The following PRKG1 variants were observed in gnomAD, a reference collection of about 807,000 sequenced individuals.
The protein encoded by PRKG1 is cGMP-dependent protein kinase 1.
In PRKG1, 35 loss-of-function variants were observed where a neutral mutation model predicts 88.1. That is an observed-to-expected ratio of 0.40 (90% CI 0.30 to 0.53). The LOEUF (loss-of-function observed/expected upper bound fraction) is 0.53. Among genes scored for constraint, PRKG1 ranks in the 20% least tolerant of loss-of-function variants. The pLI, the probability that PRKG1 is intolerant of heterozygous loss-of-function variation, is 0.59. For missense variants in PRKG1, 540 were observed against 839.8 expected (o/e 0.64, Z 4.41); for synonymous variants, 303 against 292.5 (o/e 1.04, Z -0.37).
intron 9 of PRKG1, among the ~76,000 whole-genome samples, chr10:52,247,365 A>C (rs1202318674): frequency 6.6e-6 from 1 of 152,210 alleles, no homozygotes; most frequent in Non-Finnish European, 1.5e-5. Flanking sequence ...TTAAAATTGC[A>C]TGAAACTGGG....
chr10:51,111,435 A>G (rs1297933687), intron 1 of PRKG1, among the ~76,000 whole-genome samples: 1 of 151,966 alleles, frequency 6.6e-6, no homozygotes, highest in East Asian at 1.9e-4. Flanking sequence ...TACCCTGTTG[A>G]TTTTTGGAGG....
chr10:52,130,924 GA>G (rs1837236989), intron 7 of PRKG1, among the ~76,000 whole-genome samples: 1 of 152,094 alleles, frequency 6.6e-6, no homozygotes, highest in Non-Finnish European at 1.5e-5. Flanking sequence ...AAAAGAATTA[GA>G]AATAATAAAC....
intron 3 of PRKG1, among the ~76,000 whole-genome samples, chr10:51,721,163 A>G (rs1050607682): frequency 6.7e-6 from 1 of 150,000 alleles, no homozygotes; most frequent in East Asian, 2.0e-4. Flanking sequence ...CAGTGAGCCC[A>G]TGATTATGCC....
At chr10:52,036,577 C>T (rs1260792418) in intron 5 of PRKG1, among the ~76,000 whole-genome samples, 1 of 151,190 alleles carries the variant, frequency 6.6e-6, no homozygotes, top group Non-Finnish European at 1.5e-5. Context: ...GATTGGTCGC[C>T]AAGGAGGGAG....
At chr10:51,436,090 T>A (rs559684377) in intron 2 of PRKG1, among the ~76,000 whole-genome samples, 1 of 152,086 alleles carries the variant, frequency 6.6e-6, no homozygotes, top group South Asian at 2.1e-4. Flanking sequence ...TACTGTAACC[T>A]TTCTAGTCAT....
intron 4 of PRKG1, among the ~76,000 whole-genome samples, chr10:51,874,411 A>G (rs10999874): frequency 0.036 from 5,522 of 152,324 alleles, 376 homozygotes; most frequent in African/African-American, 0.13. Flanking sequence ...AGTAGTACAG[A>G]TAACATCAAA....
Position 51,438,499 on chromosome 10 carries a change from T to C in PRKG1, c.479-29224T>C, listed in dbSNP as rs149820097. 1.8e-3 allele frequency among the ~76,000 whole-genome samples: 270 copies of C among 152,048 alleles called. 2 individuals are homozygous for C. Among genetic ancestry groups the C allele is most frequent in the African/African-American group, 5.9e-3 (246 of 41,530 alleles). Reference sequence around the variant, plus strand: ...TGATGACCTTGACAGTATTGAGAAGTACTGGTTAGATATTTTACAGAAGGT... The same window carrying C: ...TGATGACCTTGACAGTATTGAGAAGCACTGGTTAGATATTTTACAGAAGGT... On this transcript the variant is annotated intron_variant, in intron 2 of 17. Transcript: ENST00000373980.
chr10:51,278,227 G>A (rs541528429), intron 2 of PRKG1, among the ~76,000 whole-genome samples: 7 of 152,120 alleles, frequency 4.6e-5, no homozygotes, highest in Non-Finnish European at 7.4e-5. Context: ...GGTTTTTGTC[G>A]TTGGTTCTGT....
At position 51,260,534 on chromosome 10, in the gene PRKG1, G is replaced by A. The variant is rs72793272; in HGVS notation, c.478+107204G>A. On this transcript the variant is annotated intron_variant, in intron 2 of 17. Coordinates refer to ENST00000373980, the MANE Select transcript of PRKG1 (RefSeq NM_006258.4). ...GCATAAATGGTGTATTTCTAGACTA[G>A]CACTAATGACTGGGAAATACAGTGA... 2.5e-3 allele frequency among the ~76,000 whole-genome samples: 388 copies of A among 152,236 alleles called. 1 individual carries two copies. Among genetic ancestry groups the A allele is most frequent in the Non-Finnish European group, 4.0e-3 (274 of 68,010 alleles).
At chr10:52,228,484 G>A (rs1425061340) in intron 9 of PRKG1, among the ~76,000 whole-genome samples, 1 of 152,106 alleles carries the variant, frequency 6.6e-6, no homozygotes, top group Non-Finnish European at 1.5e-5. Context: ...GTAAACTGAT[G>A]AAATTTAGCC....
chr10:51,352,973 G>A (rs1484040358), intron 2 of PRKG1, among the ~76,000 whole-genome samples: 1 of 151,944 alleles, frequency 6.6e-6, no homozygotes, highest in East Asian at 1.9e-4. Flanking sequence ...AACAGATAGA[G>A]AACCCAGAAA....
chr10:51,130,017 AC>A (rs1481133618), intron 1 of PRKG1, among the ~76,000 whole-genome samples: 4 of 152,150 alleles, frequency 2.6e-5, no homozygotes, highest in African/African-American at 9.7e-5. Context: ...TCTGAGGTGG[AC>A]CTTCAAGCAT....
intron 10 of PRKG1, among the ~76,000 whole-genome samples, chr10:52,264,519 C>G (rs1354320588): frequency 2.6e-5 from 4 of 151,868 alleles, no homozygotes; most frequent in Non-Finnish European, 4.4e-5. Flanking sequence ...AATCATATAC[C>G]TTGCCAAATT....
intron 2 of PRKG1, among the ~76,000 whole-genome samples, chr10:51,336,653 G>A (rs1432459310): frequency 1.3e-5 from 2 of 152,112 alleles, no homozygotes; most frequent in Non-Finnish European, 2.9e-5. Flanking sequence ...TGATAGAGAT[G>A]GCATTACTTC....
chr10:51,487,067 C>T (rs1048895569), intron 3 of PRKG1, among the ~76,000 whole-genome samples: 4 of 151,630 alleles, frequency 2.6e-5, no homozygotes, highest in Non-Finnish European at 5.9e-5. Context: ...AATAACTTGA[C>T]TTAGTAGGTT....
At chr10:52,139,840 A>G (rs746699862) in intron 8 of PRKG1, among the ~76,000 whole-genome samples, 49 of 152,028 alleles carry the variant, frequency 3.2e-4, no homozygotes, top group Non-Finnish European at 6.3e-4. Flanking sequence ...ATAGAACTAC[A>G]TGACTCGGAC....
At chr10:52,204,104 T>C (rs2202315) in intron 9 of PRKG1, among the ~76,000 whole-genome samples, 373 of 29,248 alleles carry the variant, frequency 0.013, 1 homozygote, top group Middle Eastern at 0.047. Flanking sequence ...ATTATTATTA[T>C]TATTTTTTGT....
intron 2 of PRKG1, among the ~76,000 whole-genome samples, chr10:51,287,745 T>C (rs1225362708): frequency 1.3e-5 from 2 of 152,152 alleles, no homozygotes; most frequent in Non-Finnish European, 2.9e-5. Context: ...CAGGCTGAGA[T>C]ACATATATAT....
intron 7 of PRKG1, among the ~76,000 whole-genome samples, chr10:52,092,161 C>T (rs1847072712): frequency 6.6e-6 from 1 of 152,034 alleles, no homozygotes; most frequent in African/African-American, 2.4e-5. Context: ...TTTATTATGC[C>T]TTAATTTTAC....
Sources: allele counts gnomAD v4.1 joint callset (sites outside exome capture counted in the v4.1 genomes callset), GRCh38; gene constraint gnomAD v4.1.1; transcripts MANE v1.5; gene names NCBI Gene and HGNC (gene_info 2026-07-23, HGNC 2026-07-21).